The following CYTH1 variants were observed in gnomAD, a reference collection of about 807,000 sequenced individuals.
CYTH1 encodes cytohesin 1.
Under a neutral mutation model 61.8 loss-of-function variants are expected in CYTH1, and 18 were observed. The ratio of observed to expected loss-of-function variants is 0.29; its 90% CI spans 0.20 to 0.43. The LOEUF is 0.43. CYTH1 is among the 20% of genes least tolerant of loss of function. The pLI is 1.00. For synonymous variants in CYTH1, 174 were observed against 184.3 expected, an observed-to-expected ratio of 0.94 and a Z score of 0.45; for missense variants, 336 against 510.5, an observed-to-expected ratio of 0.66 and a Z score of 3.29.
chr17:78,698,110 T>C (rs1040502846), intron 9 of CYTH1, among the ~76,000 whole-genome samples, 159 bp downstream of exon 9: 12 of 152,230 alleles, frequency 7.9e-5, no homozygotes, highest in Admixed American at 6.5e-4. Flanking sequence ...TGTCCATGAA[T>C]GTGTGTGAAC....
chr17:78,739,557 G>A (rs2093334093), intron 1 of CYTH1, among the ~76,000 whole-genome samples: 2 of 152,220 alleles, frequency 1.3e-5, no homozygotes, highest in South Asian at 4.2e-4. Flanking sequence ...TGAGGAGGGT[G>A]GTAGGCGAAC....
chr17:78,738,991 G>A (rs1490633597), intron 1 of CYTH1, among the ~76,000 whole-genome samples: 7 of 152,250 alleles, frequency 4.6e-5, no homozygotes, highest in African/African-American at 1.7e-4. Context: ...ACTTCTGCCA[G>A]TCAGACAGTG....
At chr17:78,764,532 C>G (rs2093440828) in intron 1 of CYTH1, among the ~76,000 whole-genome samples, 1 of 152,094 alleles carries the variant, frequency 6.6e-6, no homozygotes, top group Non-Finnish European at 1.5e-5. Context: ...AACTTCCCAG[C>G]AAGTCAACAG....
chr17:78,750,049 C>T (rs904359513), intron 1 of CYTH1, among the ~76,000 whole-genome samples: 26 of 152,118 alleles, frequency 1.7e-4, no homozygotes, highest in African/African-American at 4.8e-4. Flanking sequence ...TGCTTCTCCA[C>T]GTGCCCAGAA....
intron 1 of CYTH1, among the ~76,000 whole-genome samples, chr17:78,722,875 G>T (rs1392714478): frequency 2.6e-5 from 4 of 152,132 alleles, no homozygotes; most frequent in Non-Finnish European, 5.9e-5. Flanking sequence ...CGGGTGGCAG[G>T]CCTAGAGGGG....
At chr17:78,683,600 C>A (rs1006794298) in intron 11 of CYTH1, among the ~76,000 whole-genome samples, 1 of 152,170 alleles carries the variant, frequency 6.6e-6, no homozygotes, top group Non-Finnish European at 1.5e-5. Context: ...CCTCAGCATT[C>A]GAGAAGGCTG....
chr17:78,675,944 A>C lies in CYTH1; in HGVS notation c.*147T>G, dbSNP rs1290665595. 2 of 1,547,650 alleles carry C rather than the reference A, an allele frequency of 1.3e-6. No individual in the cohort carries two copies. Among genetic ancestry groups the C allele is most frequent in the African/African-American group, 1.4e-5 (1 of 72,916 alleles). On this transcript the variant is annotated 3_prime_UTR_variant, in exon 14 of 14. Coordinates refer to ENST00000446868, the MANE Select transcript of CYTH1 (RefSeq NM_004762.6). ...CTGCCCACCCTTCTCCCACTTAAAA[A>C]AAATAGCAAAAGCTGAAGCTAGTCT...
intron 10 of CYTH1, 61 bp from the exon 11 acceptor site, chr17:78,692,554 G>A (rs2092899113): frequency 1.3e-5 from 19 of 1,465,410 alleles, no homozygotes; most frequent in Non-Finnish European, 1.6e-5. Flanking sequence ...CAGGCTCCAC[G>A]ACACACACGA....
intron 1 of CYTH1, among the ~76,000 whole-genome samples, chr17:78,731,788 A>G (rs1400877580): frequency 6.6e-6 from 1 of 152,104 alleles, no homozygotes; most frequent in Admixed American, 6.6e-5. Context: ...AAAACAAATA[A>G]AAAGGAAATC....
In CYTH1 at chr17:78,698,269, C is replaced by T. The variant is rs778692007; in HGVS notation, c.811G>A (p.Gly271Arg). The stretch of plus-strand genomic sequence containing the variant: ...AGCCCTGACTCAGAGGTGCGCTTAC[C>T]GAGTTTCAATAGCCAGCCTTCTCGG... ...PDREGWLLKL[G>R]GGRVKTWKRR... The change falls in exon 9 of 14, where the codon GGA becomes AGA. Residue 271 changes from glycine (G) to arginine (R), a missense_variant and splice_region_variant. Physicochemically the swap from Gly to Arg is moderately radical, Grantham distance 125. Coordinates refer to ENST00000446868, the MANE Select transcript of CYTH1 (RefSeq NM_004762.6). The T allele has an allele frequency of 1.9e-6, 3 of 1,612,556 alleles. No individual in the cohort carries two copies. Among genetic ancestry groups the T allele is most frequent in the Admixed American group, 1.7e-5 (1 of 59,866 alleles).
intron 1 of CYTH1, among the ~76,000 whole-genome samples, chr17:78,777,973 C>T (rs1304673876): frequency 2.0e-5 from 3 of 152,034 alleles, no homozygotes; most frequent in African/African-American, 7.2e-5. Flanking sequence ...AAAGTTAACA[C>T]CACAAGAAAT....
Position 78,698,826 on chromosome 17 carries a change from G to C in CYTH1, c.693C>G (p.Leu231=), listed in dbSNP as rs138731073. The part of the protein sequence containing the change: ...INDGGDLPEE[L]LRNLYESIKN... The stretch of plus-strand genomic sequence containing the variant: ...ACCATTCTTCCTTGCTTACCCGGAG[G>C]AGCTCCTCCGGCAGGTCTCCCCCAT... Residue 231 remains leucine (L), a synonymous_variant, in exon 8 of 14, where the codon CTC becomes CTG. Transcript: ENST00000446868. 28 of 1,577,242 alleles carry C rather than the reference G, an allele frequency of 1.8e-5. No homozygotes were observed. The highest frequency in any genetic ancestry group is 2.2e-5 in the Non-Finnish European group (26 of 1,168,958).
intron 11 of CYTH1, among the ~76,000 whole-genome samples, chr17:78,681,760 C>A (rs1380548632): frequency 1.3e-5 from 2 of 151,842 alleles, no homozygotes; most frequent in African/African-American, 4.8e-5. Flanking sequence ...ATGGTGTGAA[C>A]CCAGGAGACG....
intron 3 of CYTH1, among the ~76,000 whole-genome samples, chr17:78,704,855 T>G (rs1161639439): frequency 6.6e-6 from 1 of 152,162 alleles, no homozygotes; most frequent in Non-Finnish European, 1.5e-5. Context: ...ACCTGAAAAC[T>G]GTGAGTAGTA....
chr17:78,711,739 A>G (rs1598867414), intron 1 of CYTH1, among the ~76,000 whole-genome samples: 1 of 150,808 alleles, frequency 6.6e-6, no homozygotes, highest in South Asian at 2.1e-4. Context: ...GTTTTCCCCA[A>G]CCTTCTCTAA....
intron 1 of CYTH1, among the ~76,000 whole-genome samples, chr17:78,770,327 A>G (rs929359287): frequency 3.8e-5 from 5 of 132,940 alleles, no homozygotes; most frequent in African/African-American, 1.1e-4. Flanking sequence ...CCCATCTCCA[A>G]AAAAAAAAAA....
chr17:78,728,374 C>A (rs1458853756), intron 1 of CYTH1, among the ~76,000 whole-genome samples: 2 of 152,060 alleles, frequency 1.3e-5, no homozygotes, highest in East Asian at 3.9e-4. Context: ...GGTGAAACCC[C>A]ATCTCTACTA....
In CYTH1 at chr17:78,675,976, A is replaced by G; in HGVS notation, c.*115T>C. The G allele has an allele frequency of 1.3e-6, 2 of 1,549,914 alleles. No homozygotes were observed. The highest frequency in any genetic ancestry group is 1.7e-6 in the Non-Finnish European group (2 of 1,146,162). On this transcript the variant is annotated 3_prime_UTR_variant, in exon 14 of 14. Transcript: ENST00000446868. ...CAAAAGCTGAAGCTAGTCTCTAGGA[A>G]TCCAGGGCGGGGCCTGGCAGAGGAC...
chr17:78,675,695 CAT>C lies in CYTH1; in HGVS notation c.*394_*395del, dbSNP rs2092690772. ...CTTCCTTTCCACCTTTTTCTCTTAA[CAT>C]ATAATAATATATGGACACATGTATT... On this transcript the variant is annotated 3_prime_UTR_variant, in exon 14 of 14. Transcript: ENST00000446868. 4.7e-6 allele frequency: 2 copies of C among 430,014 alleles called. No individual in the cohort carries two copies. The highest frequency in any genetic ancestry group is 8.1e-6 in the Non-Finnish European group (2 of 247,120). The allele number at this position is 430,014 out of a possible 1,614,324, so 26.6% of individuals were successfully genotyped here.
Sources: gnomAD v4.1 joint callset for allele counts (sites outside exome capture counted in the v4.1 genomes callset) on GRCh38, gnomAD v4.1.1 for gene constraint, MANE v1.5 for transcripts, NCBI Gene and HGNC (gene_info 2026-07-23, HGNC 2026-07-21) for gene names.